ATP2C2: variants seen among roughly 807,000 people sequenced by gnomAD.
ATP2C2 encodes calcium-transporting ATPase type 2C member 2.
A neutral mutation model predicts 110.8 loss-of-function variants in ATP2C2; 171 were observed. The ratio of observed to expected loss-of-function variants is 1.54; its 90% CI spans 1.36 to 1.75. The LOEUF is 1.75. Among genes scored for constraint, ATP2C2 ranks in the 40% most tolerant of loss-of-function variants. ATP2C2 has a pLI of 0.00. For synonymous variants in ATP2C2, 804 were observed against 508.4 expected, an observed-to-expected ratio of 1.58 and a Z score of -7.82; for missense variants, 1,963 against 1,235.0, an observed-to-expected ratio of 1.59 and a Z score of -8.84.
chr16:84,389,276 A>G (rs536689112), intron 1 of ATP2C2, among the ~76,000 whole-genome samples: 1 of 152,182 alleles, frequency 6.6e-6, no homozygotes, highest in African/African-American at 2.4e-5. Flanking sequence ...ACCTCTCTCA[A>G]CTGCTTTCTC....
intron 2 of ATP2C2, among the ~76,000 whole-genome samples, chr16:84,399,602 T>A (rs1905198551): frequency 6.6e-6 from 1 of 152,184 alleles, no homozygotes; most frequent in Admixed American, 6.5e-5. Flanking sequence ...ACAATATAAT[T>A]GTTTTAGCTA....
At chr16:84,439,632 T>C in intron 13 of ATP2C2, 108 bp downstream of exon 13, 2 of 1,098,724 alleles carry the variant, frequency 1.8e-6, no homozygotes, top group South Asian at 1.3e-5. Flanking sequence ...AAGAAATAAA[T>C]TGGGGTCATC....
In ATP2C2 at chr16:84,391,273, T is replaced by A. The variant is rs77122644; in HGVS notation, c.100-7226T>A. Among the ~76,000 whole-genome samples the A allele has an allele frequency of 2.9e-3, 441 of 152,284 alleles. 8 individuals are homozygous for A. The highest frequency in any genetic ancestry group is 0.01 in the Middle Eastern group (3 of 294). On this transcript the variant is annotated intron_variant, in intron 1 of 26. Transcript: ENST00000262429. ...ACTTGCGATTCACAGTGGACTGATG[T>A]CTACAAAGTAACAAGAAGCTACAGC...
intron 21 of ATP2C2, among the ~76,000 whole-genome samples, chr16:84,458,798 A>G (rs895999613): frequency 2.0e-4 from 31 of 152,160 alleles, no homozygotes; most frequent in Non-Finnish European, 2.9e-5. Context: ...TGCACGGCGC[A>G]CTTCGGGAGT....
intron 13 of ATP2C2, among the ~76,000 whole-genome samples, chr16:84,440,444 T>A (rs965430731): frequency 6.6e-6 from 1 of 152,242 alleles, no homozygotes; most frequent in Non-Finnish European, 1.5e-5. Context: ...CACACCCATT[T>A]GTGTACATAT....
At chr16:84,395,770 G>C (rs933037097) in intron 1 of ATP2C2, among the ~76,000 whole-genome samples, 1 of 151,374 alleles carries the variant, frequency 6.6e-6, no homozygotes, top group Admixed American at 6.6e-5. Context: ...AAAGTGCTGG[G>C]ATTATAGGTA....
chr16:84,397,652 TGACA>T (rs1905068338), intron 1 of ATP2C2, among the ~76,000 whole-genome samples: 1 of 2,326 alleles, frequency 4.3e-4, no homozygotes. Context: ...CCAGCCTGGG[TGACA>T]AAAAAAAAAA....
At chr16:84,410,854 C>T (rs1906221758) in intron 6 of ATP2C2, 89 bp downstream of exon 6, 2 of 1,331,768 alleles carry the variant, frequency 1.5e-6, no homozygotes, top group Non-Finnish European at 2.1e-6. Context: ...AAGTTGTATC[C>T]TTGGTAGTGT....
chr16:84,379,244 C>G (rs551393320), intron 1 of ATP2C2, among the ~76,000 whole-genome samples: 138 of 151,800 alleles, frequency 9.1e-4, no homozygotes, highest in Non-Finnish European at 8.2e-4. Context: ...TGCAGTGGCG[C>G]AATCATGGCT....
Position 84,460,722 on chromosome 16 carries a change from TCAG to T in ATP2C2, c.2406_2408del (p.Ser802del). 1 of 1,614,192 alleles carries T rather than the reference TCAG, an allele frequency of 6.2e-7. No individual in the cohort carries two copies. Among genetic ancestry groups the T allele is most frequent in the South Asian group, 1.1e-5 (1 of 91,086 alleles). The stretch of plus-strand genomic sequence containing the variant: ...CCACGGAGTGTGCGGGACACCATCC[TCAG>T]CAGAGCCCTCATCCTGAAGATCCTC... On this transcript the variant is annotated inframe_deletion, in exon 24 of 27. Transcript: ENST00000262429.
rs1213299909 is a variant in ATP2C2 at position 84,463,972 on chromosome 16, C to G, written c.*240C>G. ...GAGGGGCCTGTACAGAAACACCACA[C>G]TGTTTATTAAATCACAATGATTTTT... On this transcript the variant is annotated 3_prime_UTR_variant, in exon 27 of 27. Transcript: ENST00000262429. 4 of 463,686 alleles carry G rather than the reference C, an allele frequency of 8.6e-6. No individual in the cohort carries two copies. Among genetic ancestry groups the G allele is most frequent in the African/African-American group, 7.8e-5 (4 of 51,480 alleles). The allele number at this position is 463,686 out of a possible 1,614,324, so 28.7% of individuals were successfully genotyped here. A position where few individuals can be genotyped will look rare whatever the true frequency, so the allele number is the denominator to read the frequency against.
At chr16:84,413,388 A>C (rs1289578063) in intron 6 of ATP2C2, among the ~76,000 whole-genome samples, 2 of 152,112 alleles carry the variant, frequency 1.3e-5, no homozygotes, top group Admixed American at 6.6e-5. Context: ...CGAAGGACCA[A>C]ATAGGGACAA....
At chr16:84,397,841 CACTA>C (rs1440329428) in intron 1 of ATP2C2, among the ~76,000 whole-genome samples, 2 of 151,838 alleles carry the variant, frequency 1.3e-5, no homozygotes, top group East Asian at 1.9e-4. Flanking sequence ...GTATAAATCT[CACTA>C]ACAATGTTGA....
chr16:84,434,715 A>G (rs1908589299), intron 11 of ATP2C2, among the ~76,000 whole-genome samples: 1 of 151,662 alleles, frequency 6.6e-6, no homozygotes, highest in African/African-American at 2.4e-5. Context: ...ACGGGGTTTC[A>G]ACACGTTGGC....
chr16:84,378,271 C>T (rs1033480583), intron 1 of ATP2C2, among the ~76,000 whole-genome samples: 4 of 152,142 alleles, frequency 2.6e-5, no homozygotes, highest in Non-Finnish European at 4.4e-5. Flanking sequence ...GAGTGTTGGT[C>T]TGAGTGGCCA....
rs926529341 is a variant in ATP2C2, at chr16:84,369,855, C to T, written c.99+1141C>T. On this transcript the variant is annotated intron_variant, in intron 1 of 26. Coordinates refer to ENST00000262429, the MANE Select transcript of ATP2C2 (RefSeq NM_014861.4). ...CTTAGGGTGGTAGGCCACAGGACCA[C>T]GTAACTAGCAGTTTTTGAGCAATCT... 3.3e-5 allele frequency among the ~76,000 whole-genome samples: 5 copies of T among 152,324 alleles called. No homozygotes were observed. The South Asian group carries it at 8.3e-4, about 25-fold the overall frequency.
intron 10 of ATP2C2, 113 bp from the exon 11 acceptor site, chr16:84,425,622 G>A (rs749780136): frequency 5.2e-5 from 62 of 1,184,874 alleles, no homozygotes; most frequent in African/African-American, 2.1e-4. Flanking sequence ...GTTATCAGGC[G>A]TTCCTCTGTG....
At position 84,450,108 on chromosome 16, in the gene ATP2C2, G is replaced by A. The variant is rs534505288; in HGVS notation, c.1660+1419G>A. Among the ~76,000 whole-genome samples, 33 of 152,380 alleles carry A rather than the reference G, an allele frequency of 2.2e-4. No individual in the cohort carries two copies. In the East Asian group the frequency reaches 4.0e-3, roughly 19 times the overall value. On this transcript the variant is annotated intron_variant, in intron 17 of 26. Transcript: ENST00000262429. ...CTTGCGGGAGAGCGTAATGAGAACG[G>A]GTCAGTGGCGGAGGAGCAGTGAGAC...
At chr16:84,455,517 A>G (rs1475651708) in intron 21 of ATP2C2, among the ~76,000 whole-genome samples, 6 of 152,122 alleles carry the variant, frequency 3.9e-5, no homozygotes, top group Non-Finnish European at 5.9e-5. Flanking sequence ...GCACAAAACT[A>G]TTTGTTCTGT....
Sources: gnomAD v4.1 joint callset for allele counts (sites outside exome capture counted in the v4.1 genomes callset) on GRCh38, gnomAD v4.1.1 for gene constraint, MANE v1.5 for transcripts, NCBI Gene and HGNC (gene_info 2026-07-23, HGNC 2026-07-21) for gene names.